The following POLN variants were observed in gnomAD, a reference collection of about 807,000 sequenced individuals.
POLN encodes the protein DNA polymerase nu.
Under a neutral mutation model 113.5 loss-of-function variants are expected in POLN, and 108 were observed. That is an observed-to-expected ratio of 0.95 (90% CI 0.81 to 1.12). POLN has a LOEUF of 1.12. Ranked by LOEUF, POLN falls within the 50% of genes most tolerant of loss-of-function variation. The pLI, the probability that POLN is intolerant of heterozygous loss-of-function variation, is 0.00. For missense variants in POLN, 1,097 were observed against 1,077.1 expected (o/e 1.02, Z -0.26); for synonymous variants, 386 against 391.5 (o/e 0.99, Z 0.17).
intron 13 of POLN, among the ~76,000 whole-genome samples, chr4:2,162,517 C>T (rs522218): frequency 0.84 from 128,539 of 152,224 alleles, 55,394 homozygotes; most frequent in Non-Finnish European, 0.94. Flanking sequence ...CCGGACACAG[C>T]ACCATCTTGG....
chr4:2,186,701 A>G (rs1733283721), intron 7 of POLN, among the ~76,000 whole-genome samples: 1 of 152,250 alleles, frequency 6.6e-6, no homozygotes, highest in African/African-American at 2.4e-5. Flanking sequence ...TTCAATGCAA[A>G]GAAATAGACG....
chr4:2,123,519 C>T (rs145755133), intron 19 of POLN, among the ~76,000 whole-genome samples: 5 of 146,472 alleles, frequency 3.4e-5, no homozygotes, highest in Admixed American at 2.1e-4. Flanking sequence ...CCCAGCTACT[C>T]GGGAGGCTGA....
intron 16 of POLN, among the ~76,000 whole-genome samples, chr4:2,148,081 G>A (rs1732194478): frequency 6.6e-6 from 1 of 152,150 alleles, no homozygotes. Flanking sequence ...CAGAAGTGCA[G>A]GATGTTATAA....
chr4:2,137,010 A>T (rs1220467903), intron 16 of POLN, among the ~76,000 whole-genome samples: 1 of 152,224 alleles, frequency 6.6e-6, no homozygotes, highest in Non-Finnish European at 1.5e-5. Context: ...GCTGTGCAGA[A>T]CAGCCACACG....
chr4:2,138,699 C>T (rs574442969), intron 16 of POLN, among the ~76,000 whole-genome samples: 4 of 152,142 alleles, frequency 2.6e-5, no homozygotes, highest in South Asian at 2.1e-4. Context: ...GTCAGCAGTT[C>T]GAGACCAGCC....
At chr4:2,238,672 T>A in intron 2 of POLN, 1 of 1,613,146 alleles carries the variant, frequency 6.2e-7, no homozygotes, top group South Asian at 1.1e-5. Flanking sequence ...CTGATGGATC[T>A]GTTAACATTT....
intron 4 of POLN, among the ~76,000 whole-genome samples, chr4:2,210,765 A>G (rs887891633): frequency 5.3e-5 from 8 of 149,728 alleles, no homozygotes; most frequent in African/African-American, 9.8e-5. Context: ...TACTAAAAAT[A>G]AAAAAATTAG....
At chr4:2,140,085 A>ATTTT (rs1211097769) in intron 16 of POLN, 8 of 151,464 alleles carry the variant, frequency 5.3e-5, no homozygotes, top group African/African-American at 1.9e-4. Flanking sequence ...TTATTTATTT[A>ATTTT]TTTATTTTTT....
chr4:2,089,076 C>T (rs1490640255), intron 20 of POLN: 2 of 870,966 alleles, frequency 2.3e-6, no homozygotes, highest in Non-Finnish European at 3.7e-6. Context: ...GATGAAGGAG[C>T]AATGGATTGG....
chr4:2,072,397 G>A, intron 25 of POLN, 98 bp from the exon 26 acceptor site: 3 of 1,022,928 alleles, frequency 2.9e-6, no homozygotes, highest in South Asian at 1.7e-5. Context: ...CAGCACACAG[G>A]TGCACACATC....
intron 19 of POLN, among the ~76,000 whole-genome samples, chr4:2,103,048 A>C (rs1210502753): frequency 6.6e-6 from 1 of 152,214 alleles, no homozygotes; most frequent in East Asian, 1.9e-4. Context: ...GAACACAATA[A>C]TTCTCCAGCA....
chr4:2,203,078 A>G (rs1323430132), intron 5 of POLN, among the ~76,000 whole-genome samples: 3 of 152,230 alleles, frequency 2.0e-5, no homozygotes, highest in Admixed American at 6.5e-5. Flanking sequence ...AACTTTCTCC[A>G]AGATAGACCA....
At chr4:2,101,803 C>T (rs1247966471) in intron 19 of POLN, among the ~76,000 whole-genome samples, 4 of 152,208 alleles carry the variant, frequency 2.6e-5, no homozygotes, top group African/African-American at 7.2e-5. Context: ...GCATGGGCTG[C>T]AGCCACCATC....
intron 16 of POLN, 80 bp from the exon 17 acceptor site, chr4:2,131,370 A>G: frequency 1.1e-6 from 1 of 936,286 alleles, no homozygotes; most frequent in South Asian, 1.6e-5. Flanking sequence ...TGTACATCAC[A>G]TTTTATTAAA....
rs1731721098 is a variant in POLN at position 2,131,245 on chromosome 4, T to C, written c.1777A>G (p.Lys593Glu). The change falls in exon 17 of 26, where the codon AAG becomes GAG. Residue 593 changes from lysine to glutamate, a missense_variant. Coordinates refer to ENST00000511885, the MANE Select transcript of POLN (RefSeq NM_181808.4). The stretch of plus-strand genomic sequence containing the variant: ...AGAAATGAGTTACCTTTAAAATTCT[T>C]AGGTGTAGTAATCTGAATTGGGTGC... Reference protein sequence around the residue: ...SKHPIQITTPKNFKGKEDKIL... With the variant: ...SKHPIQITTPENFKGKEDKIL... 6.3e-7 allele frequency: 1 copy of C among 1,589,496 alleles called. No homozygotes were observed. Among genetic ancestry groups the C allele is most frequent in the Non-Finnish European group, 8.6e-7 (1 of 1,159,516 alleles).
chr4:2,075,407 T>C, intron 24 of POLN, 45 bp downstream of exon 24: 1 of 1,599,906 alleles, frequency 6.3e-7, no homozygotes, highest in Non-Finnish European at 8.6e-7. Context: ...AGCCTCCTCT[T>C]AGCTGTCTGT....
intron 19 of POLN, among the ~76,000 whole-genome samples, chr4:2,115,012 T>A (rs1731281887): frequency 6.6e-6 from 1 of 151,652 alleles, no homozygotes; most frequent in East Asian, 1.9e-4. Context: ...TATGGTGAAA[T>A]CTTATCTCCT....
rs1326762945 is a variant in POLN, at chr4:2,176,042, C to T, written c.1248+224G>A. 2.0e-5 allele frequency among the ~76,000 whole-genome samples: 3 copies of T among 152,212 alleles called. No homozygotes were observed. The East Asian group carries it at 5.8e-4, about 29-fold the overall frequency. On this transcript the variant is annotated intron_variant, in intron 9 of 25. Transcript: ENST00000511885. The stretch of plus-strand genomic sequence containing the variant: ...GGAAACATCCCACTTAAAAAAGAGG[C>T]TTTAAAAAATATTACAATTGTTTTC...
chr4:2,152,393 G>A (rs1353556892), intron 16 of POLN, among the ~76,000 whole-genome samples: 2 of 144,580 alleles, frequency 1.4e-5, no homozygotes, highest in East Asian at 4.0e-4. Flanking sequence ...CTAGGGTGAA[G>A]TGCTGTGATG....
Sources: allele counts gnomAD v4.1 joint callset (sites outside exome capture counted in the v4.1 genomes callset), GRCh38; gene constraint gnomAD v4.1.1; transcripts MANE v1.5; gene names NCBI Gene and HGNC (gene_info 2026-07-23, HGNC 2026-07-21).